Variants in TGFBRAP1 observed in about 807,000 individuals in gnomAD.
TGFBRAP1 encodes transforming growth factor-beta receptor-associated protein 1.
In TGFBRAP1, 20 loss-of-function variants were observed where a neutral mutation model predicts 83.2. That is an observed-to-expected ratio of 0.24 (90% CI 0.17 to 0.35). The LOEUF (loss-of-function observed/expected upper bound fraction) is 0.35, where lower values mean the gene tolerates loss of function less well. Among genes scored for constraint, TGFBRAP1 ranks in the 10% least tolerant of loss-of-function variants. TGFBRAP1 has a pLI of 1.00. For synonymous variants in TGFBRAP1, 415 were observed against 459.8 expected (o/e 0.90, Z 1.25); for missense variants, 950 against 1,099.4 (o/e 0.86, Z 1.92).
rs756538722 is a variant in TGFBRAP1 at position 105,273,663 on chromosome 2, G to T, written c.1693C>A (p.Pro565Thr). 4.3e-6 allele frequency: 7 copies of T among 1,614,130 alleles called. No individual in the cohort carries two copies. The East Asian group carries it at 1.6e-4, about 36-fold the overall frequency. The change falls in exon 9 of 12, where the codon CCT becomes ACT. Residue 565 changes from proline to threonine, a missense_variant. Transcript: ENST00000393359. The stretch of plus-strand genomic sequence containing the variant: ...CTGTTCTTCTGCTGTTCATCCAAAG[G>T]TCTCTTGGTGAAAACCTGAACTCCG... ...EVGVQVFTKR[P>T]LDEQQKNSFN... is the part of the protein sequence containing the mutation.
At chr2:105,298,393 G>T in intron 3 of TGFBRAP1, 118 bp downstream of exon 3, 2 of 1,064,910 alleles carry the variant, frequency 1.9e-6, no homozygotes, top group Non-Finnish European at 1.3e-6. Flanking sequence ...GACTGTATTG[G>T]AGTCATCTGT....
chr2:105,265,387 T>A lies in TGFBRAP1; in HGVS notation c.*1996A>T, dbSNP rs1676892519. 6.6e-6 allele frequency: 1 copy of A among 152,326 alleles called. No individual in the cohort carries two copies. The highest frequency in any genetic ancestry group is 2.4e-5 in the African/African-American group (1 of 41,458). The allele number at this position is 152,326 out of a possible 1,614,324, so 9.4% of individuals were successfully genotyped here. On this transcript the variant is annotated 3_prime_UTR_variant, in exon 12 of 12. Coordinates refer to ENST00000393359, the MANE Select transcript of TGFBRAP1 (RefSeq NM_004257.6). The stretch of plus-strand genomic sequence containing the variant: ...GGGAGGCTGAGGCAGCAGAATCGCT[T>A]GAACCCAGGAGGTGGAGGTTGCAGT...
chr2:105,316,922 G>A (rs751066442), intron 1 of TGFBRAP1, among the ~76,000 whole-genome samples: 71 of 152,104 alleles, frequency 4.7e-4, no homozygotes, highest in Non-Finnish European at 8.7e-4. Context: ...AAAAACCGTG[G>A]TAATTAAGAT....
intron 1 of TGFBRAP1, among the ~76,000 whole-genome samples, chr2:105,322,042 C>G (rs915665544): frequency 6.6e-6 from 1 of 152,148 alleles, no homozygotes; most frequent in Non-Finnish European, 1.5e-5. Flanking sequence ...CAGCTCCACA[C>G]ATGTTACTGC....
chr2:105,289,561 T>C (rs1046217809), intron 4 of TGFBRAP1, among the ~76,000 whole-genome samples: 2 of 152,208 alleles, frequency 1.3e-5, no homozygotes, highest in African/African-American at 2.4e-5. Context: ...AGTGGTAGCA[T>C]GTTATGCAGG....
In TGFBRAP1 at chr2:105,265,604, G is replaced by GTT. The variant is rs1338018932; in HGVS notation, c.*1777_*1778dup. ...GAGAAATATAAACTCAAACTCACAA[G>GTT]TTGTCATGATAACATATGCAGTAAT... is the stretch of plus-strand genomic sequence containing the variant. On this transcript the variant is annotated 3_prime_UTR_variant, in exon 12 of 12. Transcript: ENST00000393359. 1 of 152,596 alleles carries GTT rather than the reference G, an allele frequency of 6.6e-6. No individual in the cohort carries two copies. Among genetic ancestry groups the GTT allele is most frequent in the Non-Finnish European group, 1.5e-5 (1 of 68,044 alleles). The allele number at this position is 152,596 out of a possible 1,614,324, so 9.5% of individuals were successfully genotyped here.
At chr2:105,249,569 TTAACCTTTCAG>T in the TGFBRAP1 span, 1 of 152,158 alleles carries the variant, frequency 6.6e-6, no homozygotes, top group Non-Finnish European at 1.5e-5. Context: ...GGCACCACAT[TTAACCTTTCAG>T]ACACAAATGG....
chr2:105,259,139 C>T, the TGFBRAP1 span, among the ~76,000 whole-genome samples: 1 of 152,150 alleles, frequency 6.6e-6, no homozygotes, highest in African/African-American at 2.4e-5. Flanking sequence ...CTATTCCACA[C>T]GGAATCGCCC....
At position 105,272,998 on chromosome 2, in the gene TGFBRAP1, G is replaced by C; in HGVS notation, c.1829C>G (p.Thr610Ser). 2 of 1,611,008 alleles carry C rather than the reference G, an allele frequency of 1.2e-6. No individual in the cohort carries two copies. The highest frequency in any genetic ancestry group is 1.7e-6 in the Non-Finnish European group (2 of 1,179,298). The change falls in exon 10 of 12, where the codon ACC becomes AGC. Residue 610 changes from threonine to serine, a missense_variant. By Grantham distance (58) the Thr-to-Ser change is moderately conservative. Coordinates refer to ENST00000393359, the MANE Select transcript of TGFBRAP1 (RefSeq NM_004257.6). ...TTCCAGGTACAGCACAGCTAAGTGG[G>C]TGTGATACTCTTCTTTCTGCAGGAA... ...DKRLQKEEYH[T>S]HLAVLYLEEV...
At chr2:105,301,226 A>C (rs10200066) in intron 2 of TGFBRAP1, among the ~76,000 whole-genome samples, 1 of 152,010 alleles carries the variant, frequency 6.6e-6, no homozygotes. Flanking sequence ...TGTCTCAAAA[A>C]TAAATAAATA....
intron 4 of TGFBRAP1, among the ~76,000 whole-genome samples, chr2:105,294,153 T>C (rs1678004461): frequency 6.6e-6 from 1 of 152,202 alleles, no homozygotes; most frequent in Non-Finnish European, 1.5e-5. Flanking sequence ...TACCAGTCAT[T>C]ACCGAATTCT....
At chr2:105,292,119 C>T (rs765921238) in intron 4 of TGFBRAP1, among the ~76,000 whole-genome samples, 2 of 152,152 alleles carry the variant, frequency 1.3e-5, no homozygotes, top group Non-Finnish European at 2.9e-5. Flanking sequence ...GAAATATCTA[C>T]CATAGGACTG....
downstream of TGFBRAP1, among the ~76,000 whole-genome samples, chr2:105,262,469 A>G (rs1440405522): frequency 6.6e-6 from 1 of 152,122 alleles, no homozygotes; most frequent in Non-Finnish European, 1.5e-5. Flanking sequence ...AGATGCCAGC[A>G]CCACGCTTCC....
the TGFBRAP1 span, among the ~76,000 whole-genome samples, chr2:105,252,661 T>C: frequency 6.6e-6 from 1 of 152,098 alleles, no homozygotes. Context: ...GTCCTCTTCA[T>C]TCCCCTACCT....
At position 105,269,975 on chromosome 2, in the gene TGFBRAP1, A is replaced by G. The variant is rs1040822093; in HGVS notation, c.1973-270T>C. 1.3e-5 allele frequency among the ~76,000 whole-genome samples: 2 copies of G among 152,228 alleles called. No individual in the cohort carries two copies. Among genetic ancestry groups the G allele is most frequent in the Non-Finnish European group, 2.9e-5 (2 of 68,038 alleles). ...TTTCTCTAGTGTTCAGAGGATGAAA[A>G]GAACAAATGAACCACAACTACAGAA... On this transcript the variant is annotated intron_variant, in intron 10 of 11. Coordinates refer to ENST00000393359, the MANE Select transcript of TGFBRAP1 (RefSeq NM_004257.6). This position sits in a 1 kb window ranked among gnomAD's most constrained non-coding sequence, Gnocchi z 4.1.
chr2:105,271,680 T>C (rs1445109732), intron 10 of TGFBRAP1, among the ~76,000 whole-genome samples: 1 of 152,202 alleles, frequency 6.6e-6, no homozygotes, highest in African/African-American at 2.4e-5. Context: ...AACTGTGTCA[T>C]AAGGCAGCCT....
chr2:105,268,894 T>C (rs1677042772), intron 11 of TGFBRAP1, among the ~76,000 whole-genome samples: 1 of 152,230 alleles, frequency 6.6e-6, no homozygotes. Context: ...GAAATGGAGA[T>C]GCTGACAGTA....
At chr2:105,288,797 C>T (rs17030755) in intron 4 of TGFBRAP1, among the ~76,000 whole-genome samples, 26,774 of 152,026 alleles carry the variant, frequency 0.18, 2,903 homozygotes, top group East Asian at 0.51. Flanking sequence ...GGCAATGTGT[C>T]CTGATTGAAT....
rs1432369183 is a variant in TGFBRAP1 at position 105,269,523 on chromosome 2, G to A, written c.2155C>T (p.Leu719=). 3 of 1,612,420 alleles carry A rather than the reference G, an allele frequency of 1.9e-6. No individual in the cohort carries two copies. Among genetic ancestry groups the A allele is most frequent in the Non-Finnish European group, 2.5e-6 (3 of 1,179,020 alleles). The change falls in exon 11 of 12, where the codon CTG becomes TTG. Residue 719 remains leucine, a synonymous_variant. Coordinates refer to ENST00000393359, the MANE Select transcript of TGFBRAP1 (RefSeq NM_004257.6). This position sits in a 1 kb window ranked among gnomAD's most constrained non-coding sequence, Gnocchi z 4.1. The part of the protein sequence containing the change: ...PPHRQQLFHT[L]LAIYLHAGPT... ...CCAGCATGCAGGTAGATGGCCAGCA[G>A]CGTGTGAAAGAGTTGCTGGCGGTGG...
Sources: allele counts gnomAD v4.1 joint callset (sites outside exome capture counted in the v4.1 genomes callset), GRCh38; gene constraint gnomAD v4.1.1; non-coding constraint Gnocchi (gnomAD v3.1); transcripts MANE v1.5; gene names NCBI Gene and HGNC (gene_info 2026-07-23, HGNC 2026-07-21).